LRRFIP1: variants seen among roughly 807,000 people sequenced by gnomAD.
LRRFIP1 encodes LRR binding FLII interacting protein 1.
Under a neutral mutation model 104.4 loss-of-function variants are expected in LRRFIP1, and 62 were observed. That is an observed-to-expected ratio of 0.59 (90% CI 0.48 to 0.73). The LOEUF is 0.73. Among genes scored for constraint, LRRFIP1 ranks in the 30% least tolerant of loss-of-function variants. The probability of loss-of-function intolerance (pLI) is 0.00; values close to 1 mark genes in which losing one functional copy is unlikely to be tolerated. For synonymous variants in LRRFIP1, 300 were observed against 299.0 expected (o/e 1.00, Z -0.03); for missense variants, 796 against 824.5 (o/e 0.97, Z 0.42).
intron 17 of LRRFIP1, 49 bp downstream of exon 17, chr2:237,757,597 G>A: frequency 1.4e-6 from 2 of 1,394,060 alleles, no homozygotes; most frequent in Non-Finnish European, 2.0e-6. Flanking sequence ...AGCCTGCTTA[G>A]CAAATAGAGT....
intron 1 of LRRFIP1, among the ~76,000 whole-genome samples, chr2:237,674,329 A>G (rs1421698042): frequency 6.6e-6 from 1 of 152,220 alleles, no homozygotes; most frequent in East Asian, 1.9e-4. Context: ...AGCAGGGGCA[A>G]GGACGCAAGG....
chr2:237,675,828 T>G (rs2091080321), intron 1 of LRRFIP1, among the ~76,000 whole-genome samples: 1 of 152,234 alleles, frequency 6.6e-6, no homozygotes, highest in African/African-American at 2.4e-5. Context: ...GAGATATAAT[T>G]GTCATAATCT....
intron 1 of LRRFIP1, among the ~76,000 whole-genome samples, chr2:237,690,654 T>C (rs954303412): frequency 6.7e-6 from 1 of 148,714 alleles, no homozygotes; most frequent in Non-Finnish European, 1.5e-5. Context: ...GGAGAATCGC[T>C]GGAACCCGGG....
chr2:237,698,189 GAC>G (rs1462862201), intron 1 of LRRFIP1, among the ~76,000 whole-genome samples: 1 of 152,242 alleles, frequency 6.6e-6, no homozygotes, highest in African/African-American at 2.4e-5. Context: ...TAGCAAAACA[GAC>G]ACAGTCTGTG....
intron 1 of LRRFIP1, among the ~76,000 whole-genome samples, chr2:237,642,735 GGGGTTTCAGGTTCCAGGTCCCAGGCTAA>G (rs2084211988): frequency 6.6e-6 from 1 of 150,836 alleles, no homozygotes; most frequent in Non-Finnish European, 1.5e-5. Flanking sequence ...TTCCAGGCTA[GGGGTTTCAGGTTCCAGGTCCCAGGCTAA>G]GGGTTTCAGT....
chr2:237,772,625 A>C, intron 21 of LRRFIP1: 1 of 575,408 alleles, frequency 1.7e-6, no homozygotes, highest in Admixed American at 3.3e-5. Flanking sequence ...TTCTTCACTC[A>C]TAGGCACTCT....
chr2:237,730,207 A>G (rs1461088507), intron 8 of LRRFIP1, among the ~76,000 whole-genome samples: 2 of 152,264 alleles, frequency 1.3e-5, no homozygotes, highest in Non-Finnish European at 2.9e-5. Flanking sequence ...TACTTTGAAG[A>G]GTACATGCAA....
At chr2:237,657,984 A>G (rs2149441238) in intron 1 of LRRFIP1, among the ~76,000 whole-genome samples, 1 of 152,332 alleles carries the variant, frequency 6.6e-6, no homozygotes, top group Middle Eastern at 3.4e-3. Context: ...AGAAGTACAC[A>G]AGAGAACTGG....
rs10194623 is a variant in LRRFIP1, at chr2:237,632,984, G to A, written c.96+5244G>A. Among the ~76,000 whole-genome samples the A allele has an allele frequency of 6.8e-3, 1,038 of 152,346 alleles. 20 individuals carry two copies. The highest frequency in any genetic ancestry group is 0.024 in the African/African-American group (980 of 41,566). ...GAATTTGCTTTTCTGAGGCTGGCCA[G>A]CAGATTGCACACCAACTGAGTGCTG... On this transcript the variant is annotated intron_variant, in intron 1 of 23. Transcript: ENST00000308482.
intron 20 of LRRFIP1, 151 bp from the exon 21 acceptor site, chr2:237,771,930 A>C: frequency 1.6e-6 from 1 of 606,634 alleles, no homozygotes. Flanking sequence ...TTCATTGTAC[A>C]TTGAATTGTG....
chr2:237,717,735 C>G lies in LRRFIP1; in HGVS notation c.202-27C>G. On this transcript the variant is annotated intron_variant, in intron 3 of 23. Coordinates refer to ENST00000308482, the MANE Select transcript of LRRFIP1 (RefSeq NM_001137550.2). The surrounding 1 kb of genome is among the most constrained non-coding windows in gnomAD (Gnocchi z 4.2). ...CTTTTTAAGAAATTTCACTTCTTGCCTAATTTTCTTTCCCTTCTGTCTATA... is the reference window on the plus strand; with the variant it reads ...CTTTTTAAGAAATTTCACTTCTTGCGTAATTTTCTTTCCCTTCTGTCTATA... The G allele has an allele frequency of 1.3e-6, 2 of 1,579,830 alleles. No individual in the cohort carries two copies. The highest frequency in any genetic ancestry group is 1.7e-6 in the Non-Finnish European group (2 of 1,148,790).
intron 20 of LRRFIP1, 164 bp downstream of exon 20, chr2:237,770,156 A>G: frequency 1.6e-6 from 1 of 614,684 alleles, no homozygotes; most frequent in Non-Finnish European, 2.9e-6. Context: ...TAGAACATCA[A>G]AGTTAATATT....
Position 237,713,905 on chromosome 2 carries a change from G to T in LRRFIP1, c.184-354G>T, listed in dbSNP as rs1305859492. ...TTCCAATTAAGTTTCTGTACTTTTT[G>T]ATTAAACTTTTATTACCGCAAAAAG... On this transcript the variant is annotated intron_variant, in intron 2 of 23. Transcript: ENST00000308482. Among the ~76,000 whole-genome samples the T allele has an allele frequency of 2.0e-5, 3 of 152,228 alleles. No homozygotes were observed. In the East Asian group the frequency reaches 5.8e-4, roughly 29 times the overall value.
chr2:237,668,838 T>C (rs2089922251), intron 1 of LRRFIP1, among the ~76,000 whole-genome samples: 1 of 152,122 alleles, frequency 6.6e-6, no homozygotes, highest in East Asian at 1.9e-4. Context: ...TATAGAAAAA[T>C]AATAAGGAAA....
At chr2:237,666,721 T>G (rs2089321574) in intron 1 of LRRFIP1, among the ~76,000 whole-genome samples, 1 of 135,068 alleles carries the variant, frequency 7.4e-6, no homozygotes, top group African/African-American at 2.7e-5. Flanking sequence ...GGAGTGCGCT[T>G]TCTTTCTTTT....
At chr2:237,690,461 G>C (rs2092681873) in intron 1 of LRRFIP1, among the ~76,000 whole-genome samples, 1 of 152,176 alleles carries the variant, frequency 6.6e-6, no homozygotes, top group Non-Finnish European at 1.5e-5. Context: ...GATAGGCCAG[G>C]CGCGGTGGCT....
chr2:237,704,914 C>G (rs1463300578), intron 1 of LRRFIP1, among the ~76,000 whole-genome samples: 1 of 152,086 alleles, frequency 6.6e-6, no homozygotes. Flanking sequence ...CAGCAAAGGT[C>G]ATTGTTTTTT....
chr2:237,735,129 G>A lies in LRRFIP1; in HGVS notation c.490-139G>A. On this transcript the variant is annotated intron_variant, in intron 9 of 23. Transcript: ENST00000308482. The surrounding 1 kb of genome is among the most constrained non-coding windows in gnomAD (Gnocchi z 4.6). ...AACCCTTTGAAGAGCTGGAAAGGTGGTTCTCAGCCTCCCCTGCATGCTTTT... is the reference window on the plus strand; with the variant it reads ...AACCCTTTGAAGAGCTGGAAAGGTGATTCTCAGCCTCCCCTGCATGCTTTT... 1 of 636,374 alleles carries A rather than the reference G, an allele frequency of 1.6e-6. No individual in the cohort carries two copies. The highest frequency in any genetic ancestry group is 2.7e-6 in the Non-Finnish European group (1 of 367,056). The allele number at this position is 636,374 out of a possible 1,614,324, so 39.4% of individuals were successfully genotyped here. A position where few individuals can be genotyped will look rare whatever the true frequency, so the allele number is the denominator to read the frequency against.
chr2:237,649,096 C>T lies in LRRFIP1; in HGVS notation c.96+21356C>T, dbSNP rs895045046. Among the ~76,000 whole-genome samples the T allele has an allele frequency of 2.0e-5, 3 of 151,830 alleles. No homozygotes were observed. The highest frequency in any genetic ancestry group is 4.4e-5 in the Non-Finnish European group (3 of 67,898). On this transcript the variant is annotated intron_variant, in intron 1 of 23. Transcript: ENST00000308482. The surrounding 1 kb of genome is among the most constrained non-coding windows in gnomAD (Gnocchi z 4.1). The stretch of plus-strand genomic sequence containing the variant: ...GGCTGCCCTGGGTCTTGGCCGGCCC[C>T]TGGAGCTGGAGGAGGTGCTGGGCCA...
Sources: allele counts gnomAD v4.1 joint callset (sites outside exome capture counted in the v4.1 genomes callset), GRCh38; gene constraint gnomAD v4.1.1; non-coding constraint Gnocchi (gnomAD v3.1); transcripts MANE v1.5; gene names NCBI Gene and HGNC (gene_info 2026-07-23, HGNC 2026-07-21).